COL11A2: variants seen among roughly 807,000 people sequenced by gnomAD.
The protein encoded by COL11A2 is collagen alpha-2(XI) chain.
A neutral mutation model predicts 273.4 loss-of-function variants in COL11A2; 116 were observed. The ratio of observed to expected loss-of-function variants is 0.42; its 90% confidence interval spans 0.36 to 0.49. The LOEUF (loss-of-function observed/expected upper bound fraction) is 0.49. Ranked by LOEUF, COL11A2 falls within the 20% of genes least tolerant of loss-of-function variation. The pLI, the probability that COL11A2 is intolerant of heterozygous loss-of-function variation, is 0.00. For missense variants in COL11A2, 1,866 were observed against 2,309.0 expected (o/e 0.81, Z 3.93); for synonymous variants, 782 against 864.2 (o/e 0.90, Z 1.67).
At position 33,170,887 on chromosome 6, in the gene COL11A2, G is replaced by A; in HGVS notation, c.3397C>T (p.Pro1133Ser). ...GADGEPGARG[P>S]QGHFGAKGDE... is the part of the protein sequence containing the mutation. ...CCTTTGGCTCCAAAGTGTCCCTGGG[G>A]TCCCCGAGCTCCGGGCTCCCCATCT... The change falls in exon 46 of 66, where the codon CCC (proline) becomes TCC (serine). Residue 1133 changes from proline to serine, a missense_variant. Coordinates refer to ENST00000341947, the MANE Select transcript of COL11A2 (RefSeq NM_080680.3). The surrounding 1 kb of genome is among the most constrained non-coding windows in gnomAD (Gnocchi z 4.3). 1 of 1,612,986 alleles carries A rather than the reference G, an allele frequency of 6.2e-7. No individual in the cohort carries two copies. Among genetic ancestry groups the A allele is most frequent in the Non-Finnish European group, 8.5e-7 (1 of 1,180,000 alleles).
At position 33,189,031 on chromosome 6, in the gene COL11A2, C is replaced by T. The variant is rs149638770; in HGVS notation, c.390G>A (p.Arg130=). Residue 130 remains arginine (R), a synonymous_variant, in exon 3 of 66, where the codon CGG becomes CGA. Transcript: ENST00000341947. This position sits in a 1 kb window ranked among gnomAD's most constrained non-coding sequence, Gnocchi z 5.6. ...VRFLYEDQTG[R]PQPPSQPVFR... The stretch of plus-strand genomic sequence containing the variant: ...AGACTGGCTGAGAGGGAGGTTGAGG[C>T]CGCCCAGTCTGGTCTTCATACAGGA... 8.1e-6 allele frequency: 13 copies of T among 1,614,068 alleles called. No homozygotes were observed. The highest frequency in any genetic ancestry group is 1.0e-5 in the Non-Finnish European group (12 of 1,180,028).
In COL11A2 at chr6:33,172,444, C is replaced by A. The variant is rs550416164; in HGVS notation, c.2899-66G>T. 3.2e-4 allele frequency: 504 copies of A among 1,554,620 alleles called. 1 individual carries two copies. Among genetic ancestry groups the A allele is most frequent in the Middle Eastern group, 5.0e-4 (3 of 5,992 alleles). ...CAAATTAAACAGAGAGCTCTCCAGC[C>A]CCCCCTCAAATCTCCAACTACCTGT... On this transcript the variant is annotated intron_variant, in intron 39 of 65. Transcript: ENST00000341947.
intron 6 of COL11A2, among the ~76,000 whole-genome samples, chr6:33,185,287 C>A (rs1402300285): frequency 6.6e-6 from 1 of 152,164 alleles, no homozygotes; most frequent in African/African-American, 2.4e-5. Context: ...GCTCTACCTG[C>A]CGGTAACTGC....
chr6:33,166,386 A>T lies in COL11A2; in HGVS notation c.4392+127T>A. ...ATGGGGAGGAGGTACTGGTGGTGACAGGACAAATGGGGGACCCTGAGGACT... is the reference window on the plus strand; with the variant it reads ...ATGGGGAGGAGGTACTGGTGGTGACTGGACAAATGGGGGACCCTGAGGACT... On this transcript the variant is annotated intron_variant, in intron 60 of 65. Transcript: ENST00000341947. The surrounding 1 kb of genome is among the most constrained non-coding windows in gnomAD (Gnocchi z 4.8). 1 of 1,306,070 alleles carries T rather than the reference A, an allele frequency of 7.7e-7. No individual in the cohort carries two copies. 80.9% of individuals were successfully genotyped at this position (1,306,070 alleles called of 1,614,324 possible).
rs1167112413 is a variant in COL11A2, at chr6:33,172,038, C to A, written c.3042+12G>T. 1 of 1,612,870 alleles carries A rather than the reference C, an allele frequency of 6.2e-7. No homozygotes were observed. The highest frequency in any genetic ancestry group is 1.3e-5 in the African/African-American group (1 of 74,918). ...CGGGTCCTTCCTACCACTTCCGGAACCCCAGACTCACTGCAGGGCCAGGGG... is the reference window on the plus strand; with the variant it reads ...CGGGTCCTTCCTACCACTTCCGGAAACCCAGACTCACTGCAGGGCCAGGGG... On this transcript the variant is annotated intron_variant, in intron 41 of 65. Transcript: ENST00000341947.
chr6:33,175,875 T>C, intron 29 of COL11A2, 141 bp downstream of exon 29: 1 of 1,154,902 alleles, frequency 8.7e-7, no homozygotes, highest in Non-Finnish European at 1.3e-6. Context: ...GCTATCATCC[T>C]GTAGGGGTCA....
In COL11A2 at chr6:33,165,262, C is replaced by T. The variant is rs1157541103; in HGVS notation, c.4750+287G>A. 4.6e-5 allele frequency among the ~76,000 whole-genome samples: 7 copies of T among 152,128 alleles called. No individual in the cohort carries two copies. Among genetic ancestry groups the T allele is most frequent in the African/African-American group, 7.2e-5 (3 of 41,408 alleles). On this transcript the variant is annotated intron_variant, in intron 63 of 65. Transcript: ENST00000341947. The surrounding 1 kb of genome is among the most constrained non-coding windows in gnomAD (Gnocchi z 7.7). ...TACTGGGACAACATGTGGTTGCAGGCGCTCACACAGATTCATCTGTTCAGG... is the reference window on the plus strand; with the variant it reads ...TACTGGGACAACATGTGGTTGCAGGTGCTCACACAGATTCATCTGTTCAGG...
chr6:33,185,142 C>G, intron 6 of COL11A2, 88 bp from the exon 7 acceptor site: 1 of 962,162 alleles, frequency 1.0e-6, no homozygotes, highest in Non-Finnish European at 1.6e-6. Context: ...AGCACCTGTC[C>G]CCCGAGGGCA....
rs376365922 is a variant in COL11A2, at chr6:33,166,232, A to G, written c.4393-26T>C. 1 of 1,589,982 alleles carries G rather than the reference A, an allele frequency of 6.3e-7. No individual in the cohort carries two copies. The highest frequency in any genetic ancestry group is 8.6e-7 in the Non-Finnish European group (1 of 1,169,206). The stretch of plus-strand genomic sequence containing the variant: ...CTGTGAAATGAGGAACAAGAAAGAG[A>G]CGGTCACTGCAGGGGAAGGACAGGA... On this transcript the variant is annotated intron_variant, in intron 60 of 65. Coordinates refer to ENST00000341947, the MANE Select transcript of COL11A2 (RefSeq NM_080680.3). The surrounding 1 kb of genome is among the most constrained non-coding windows in gnomAD (Gnocchi z 4.8).
intron 4 of COL11A2, 53 bp downstream of exon 4, chr6:33,188,309 G>T: frequency 6.2e-7 from 1 of 1,605,398 alleles, no homozygotes; most frequent in Admixed American, 1.7e-5. Flanking sequence ...GAAGGGTAGT[G>T]GGCACAAGAT....
chr6:33,173,997 T>C lies in COL11A2; in HGVS notation c.2529+14A>G, dbSNP rs747071869. 4.3e-6 allele frequency: 7 copies of C among 1,613,862 alleles called. No individual in the cohort carries two copies. The highest frequency in any genetic ancestry group is 5.9e-6 in the Non-Finnish European group (7 of 1,179,950). ...CTGGACCTTGAGCCACCTGTTTCTC[T>C]CCCCTGCACTCACCGTGGGGCCCCG... On this transcript the variant is annotated intron_variant, in intron 33 of 65. Transcript: ENST00000341947. The surrounding 1 kb of genome is among the most constrained non-coding windows in gnomAD (Gnocchi z 6.3).
chr6:33,176,031 G>T lies in COL11A2; in HGVS notation c.2253C>A (p.Gly751=). The change falls in exon 29 of 66, where the codon GGC becomes GGA. Residue 751 remains glycine, a synonymous_variant. Coordinates refer to ENST00000341947, the MANE Select transcript of COL11A2 (RefSeq NM_080680.3). This position sits in a 1 kb window ranked among gnomAD's most constrained non-coding sequence, Gnocchi z 4.9. ...DGFPGFKGDI[G]VKGDRGEVGV... is the part of the protein sequence containing the mutation. The stretch of plus-strand genomic sequence containing the variant: ...CTCTACTCACCCTGTCACCTTTCAC[G>T]CCTATGTCACCTTTGAACCCAGGAA... The T allele has an allele frequency of 6.2e-7, 1 of 1,612,990 alleles. No individual in the cohort carries two copies. The highest frequency in any genetic ancestry group is 1.1e-5 in the South Asian group (1 of 91,068).
At position 33,189,517 on chromosome 6, in the gene COL11A2, G is replaced by T; in HGVS notation, c.83-48C>A. The T allele has an allele frequency of 6.2e-7, 1 of 1,607,316 alleles. No homozygotes were observed. The highest frequency in any genetic ancestry group is 8.5e-7 in the Non-Finnish European group (1 of 1,175,684). On this transcript the variant is annotated intron_variant, in intron 1 of 65. Transcript: ENST00000341947. This position sits in a 1 kb window ranked among gnomAD's most constrained non-coding sequence, Gnocchi z 5.6. ...GGAGAAGGGACATGCCCTCAGGAGG[G>T]CATAAATAGGGGACATTTGGGATCT...
intron 4 of COL11A2, 38 bp from the exon 5 acceptor site, chr6:33,186,856 GA>G: frequency 6.2e-7 from 1 of 1,612,354 alleles, no homozygotes; most frequent in Non-Finnish European, 8.5e-7. Flanking sequence ...GAGAGATTCA[GA>G]GAGAGGCAGA....
intron 12 of COL11A2, 95 bp downstream of exon 12, chr6:33,180,163 C>T: frequency 8.0e-7 from 1 of 1,248,950 alleles, no homozygotes; most frequent in Non-Finnish European, 1.2e-6. Context: ...TTTAGAGACT[C>T]CTCCATATCT....
Position 33,164,490 on chromosome 6 carries a change from G to A in COL11A2, c.4864-17C>T. On this transcript the variant is annotated splice_polypyrimidine_tract_variant and intron_variant, in intron 64 of 65. Transcript: ENST00000341947. This position sits in a 1 kb window ranked among gnomAD's most constrained non-coding sequence, Gnocchi z 4.7. ...GTAAGAGAACTGGAAGGAGAGAGAG[G>A]GCTGGCCTCAGAGGGGGAGAGAGAG... The A allele has an allele frequency of 6.6e-7, 1 of 1,518,604 alleles. No individual in the cohort carries two copies. Among genetic ancestry groups the A allele is most frequent in the Non-Finnish European group, 8.9e-7 (1 of 1,126,938 alleles). 94.1% of individuals were successfully genotyped at this position (1,518,604 alleles called of 1,614,324 possible). A position where few individuals can be genotyped will look rare whatever the true frequency, so the allele number is the denominator to read the frequency against.
In COL11A2 at chr6:33,169,845, C is replaced by T. The variant is rs1259912377; in HGVS notation, c.3676G>A (p.Glu1226Lys). Residue 1226 changes from glutamate to lysine, a missense_variant, in exon 50 of 66, where the codon GAG becomes AAG. Coordinates refer to ENST00000341947, the MANE Select transcript of COL11A2 (RefSeq NM_080680.3). The surrounding 1 kb of genome is among the most constrained non-coding windows in gnomAD (Gnocchi z 5.5). ...GESGSPGIQG[E>K]PGVKGPRGER... Reference sequence around the variant, plus strand: ...CTGTCACTCACCTTGACACCTGGCTCGCCCTGGATCCCTGGAGATCCTGAC... The same window carrying T: ...CTGTCACTCACCTTGACACCTGGCTTGCCCTGGATCCCTGGAGATCCTGAC... 5.0e-6 allele frequency: 8 copies of T among 1,614,048 alleles called. No individual in the cohort carries two copies. The highest frequency in any genetic ancestry group is 1.7e-5 in the Admixed American group (1 of 60,014).
In COL11A2 at chr6:33,171,450, C is replaced by G; in HGVS notation, c.3258+17G>C. On this transcript the variant is annotated intron_variant, in intron 43 of 65. Coordinates refer to ENST00000341947, the MANE Select transcript of COL11A2 (RefSeq NM_080680.3). ...ATCTGGAAAGAAGATTGGTCGGGGTCTGTGGGGTCCCCTCACCTTGTCTCC... is the reference window on the plus strand; with the variant it reads ...ATCTGGAAAGAAGATTGGTCGGGGTGTGTGGGGTCCCCTCACCTTGTCTCC... 6.2e-7 allele frequency: 1 copy of G among 1,612,830 alleles called. No individual in the cohort carries two copies. Among genetic ancestry groups the G allele is most frequent in the Non-Finnish European group, 8.5e-7 (1 of 1,179,312 alleles).
In COL11A2 at chr6:33,189,235, G is replaced by T; in HGVS notation, c.233-47C>A. 6.2e-7 allele frequency: 1 copy of T among 1,611,758 alleles called. No individual in the cohort carries two copies. Among genetic ancestry groups the T allele is most frequent in the Non-Finnish European group, 8.5e-7 (1 of 1,178,396 alleles). ...CACAGAGTGAGAGGCAAAGGGAGCCGCCACAACCCCTTTCCTCCTGGTGTC... is the reference window on the plus strand; with the variant it reads ...CACAGAGTGAGAGGCAAAGGGAGCCTCCACAACCCCTTTCCTCCTGGTGTC... On this transcript the variant is annotated intron_variant, in intron 2 of 65. Transcript: ENST00000341947. This position sits in a 1 kb window ranked among gnomAD's most constrained non-coding sequence, Gnocchi z 5.6.
Sources: allele counts gnomAD v4.1 joint callset (sites outside exome capture counted in the v4.1 genomes callset), GRCh38; gene constraint gnomAD v4.1.1; non-coding constraint Gnocchi (gnomAD v3.1); transcripts MANE v1.5; gene names NCBI Gene and HGNC (gene_info 2026-07-23, HGNC 2026-07-21).